Variants in CADPS observed in about 807,000 individuals in gnomAD.
The protein encoded by CADPS is calcium dependent secretion activator, also known as calcium-dependent secretion activator 1.
In CADPS, 57 loss-of-function variants were observed where a neutral mutation model predicts 167.3. That is an observed-to-expected ratio of 0.34 (90% CI 0.28 to 0.42). The LOEUF (loss-of-function observed/expected upper bound fraction) is 0.42. Among genes scored for constraint, CADPS ranks in the 20% least tolerant of loss-of-function variants. The pLI is 1.00. For missense variants in CADPS, 1,414 were observed against 1,738.1 expected (o/e 0.81, Z 3.32); for synonymous variants, 676 against 635.3 (o/e 1.06, Z -0.96).
chr3:62,583,896 G>A (rs1237118632), intron 8 of CADPS, among the ~76,000 whole-genome samples: 8 of 151,942 alleles, frequency 5.3e-5, no homozygotes, highest in Non-Finnish European at 8.8e-5. Flanking sequence ...TCCTGGTCAC[G>A]CCCTCCTGGA....
chr3:62,540,441 C>T (rs2075497407), intron 11 of CADPS, among the ~76,000 whole-genome samples: 1 of 152,088 alleles, frequency 6.6e-6, no homozygotes, highest in Non-Finnish European at 1.5e-5. Context: ...GGGTTATTAA[C>T]TGGCTTACTC....
At chr3:62,724,034 T>C (rs1200529371) in intron 3 of CADPS, among the ~76,000 whole-genome samples, 1 of 152,190 alleles carries the variant, frequency 6.6e-6, no homozygotes, top group Non-Finnish European at 1.5e-5. Context: ...GCTGGTGCAG[T>C]GAGATGGGCG....
chr3:62,760,319 G>A (rs549371185), intron 2 of CADPS, among the ~76,000 whole-genome samples: 11 of 152,254 alleles, frequency 7.2e-5, no homozygotes, highest in Non-Finnish European at 1.0e-4. Context: ...AAGCAACTAA[G>A]GCTCAGACAT....
At chr3:62,714,911 T>C (rs893568357) in intron 3 of CADPS, among the ~76,000 whole-genome samples, 5 of 152,084 alleles carry the variant, frequency 3.3e-5, no homozygotes, top group African/African-American at 1.2e-4. Context: ...AGAGAACAAT[T>C]TAAATTTAAA....
rs2049187418 is a variant in CADPS at position 62,412,649 on chromosome 3, G to GA, written c.3778-9465dup. On this transcript the variant is annotated intron_variant, in intron 28 of 29. Transcript: ENST00000383710. This position sits in a 1 kb window ranked among gnomAD's most constrained non-coding sequence, Gnocchi z 4.1. ...TTTAGCATCAAAATTTCTAACGAAT[G>GA]ATTAAAGGGATGAATCCACAAGTAG... Among the ~76,000 whole-genome samples, 1 of 152,072 alleles carries GA rather than the reference G, an allele frequency of 6.6e-6. No individual in the cohort carries two copies. Among genetic ancestry groups the GA allele is most frequent in the Admixed American group, 6.6e-5 (1 of 15,256 alleles).
At chr3:62,711,590 C>A (rs1268596040) in intron 3 of CADPS, among the ~76,000 whole-genome samples, 1 of 152,190 alleles carries the variant, frequency 6.6e-6, no homozygotes, top group Non-Finnish European at 1.5e-5. Flanking sequence ...ATTAGCTTGG[C>A]CAGCTTGGTG....
intron 3 of CADPS, among the ~76,000 whole-genome samples, chr3:62,712,140 T>C (rs2083516343): frequency 6.6e-6 from 1 of 152,258 alleles, no homozygotes; most frequent in Admixed American, 6.5e-5. Context: ...TAAATTTTTT[T>C]GCTATTAAAA....
chr3:62,682,487 G>A (rs1183695647), intron 3 of CADPS, among the ~76,000 whole-genome samples: 1 of 152,074 alleles, frequency 6.6e-6, no homozygotes, highest in Non-Finnish European at 1.5e-5. Context: ...GAAATCATCT[G>A]TGAAATCGCT....
intron 17 of CADPS, among the ~76,000 whole-genome samples, chr3:62,503,812 T>C (rs1343655541): frequency 1.3e-5 from 2 of 152,186 alleles, no homozygotes; most frequent in African/African-American, 4.8e-5. Context: ...CCTATAACAA[T>C]AGCCTCTCCT....
chr3:62,436,084 A>T (rs1040396689), intron 28 of CADPS, among the ~76,000 whole-genome samples: 1 of 152,098 alleles, frequency 6.6e-6, no homozygotes, highest in Non-Finnish European at 1.5e-5. Flanking sequence ...TCCTTTTTAA[A>T]TGAAGATTTG....
At chr3:62,723,568 A>G (rs2152018420) in intron 3 of CADPS, among the ~76,000 whole-genome samples, 2 of 152,318 alleles carry the variant, frequency 1.3e-5, no homozygotes, top group Non-Finnish European at 2.9e-5. Flanking sequence ...GATGTTTATC[A>G]GGCTAAATAG....
intron 28 of CADPS, among the ~76,000 whole-genome samples, chr3:62,431,931 A>G (rs1349585642): frequency 6.6e-6 from 1 of 151,874 alleles, no homozygotes; most frequent in Non-Finnish European, 1.5e-5. Flanking sequence ...GGGTGCTGGG[A>G]ACACAACATT....
At chr3:62,536,404 AT>A (rs897637601) in intron 12 of CADPS, 40 bp downstream of exon 12, 20 of 1,556,182 alleles carry the variant, frequency 1.3e-5, no homozygotes, top group African/African-American at 4.1e-5. Context: ...ATGAAAAAAA[AT>A]GTTATGTTTA....
At chr3:62,725,663 A>T (rs746016234) in intron 3 of CADPS, among the ~76,000 whole-genome samples, 1 of 150,352 alleles carries the variant, frequency 6.7e-6, no homozygotes, top group East Asian at 1.9e-4. Flanking sequence ...ACACCGGTAC[A>T]TTTGCTATTA....
chr3:62,537,052 T>C (rs1470841306), intron 11 of CADPS, among the ~76,000 whole-genome samples: 1 of 152,188 alleles, frequency 6.6e-6, no homozygotes, highest in African/African-American at 2.4e-5. Context: ...AAAGTGACAA[T>C]ATTTATATCG....
At chr3:62,723,801 C>T (rs1241005433) in intron 3 of CADPS, among the ~76,000 whole-genome samples, 1 of 152,230 alleles carries the variant, frequency 6.6e-6, no homozygotes, top group African/African-American at 2.4e-5. Flanking sequence ...CACGCTGACA[C>T]TTTGCTGGCT....
chr3:62,455,917 GA>G lies in CADPS; in HGVS notation c.3636+9449del, dbSNP rs2150171418. Among the ~76,000 whole-genome samples the G allele has an allele frequency of 6.6e-6, 1 of 152,290 alleles. No homozygotes were observed. The highest frequency in any genetic ancestry group is 1.9e-4 in the East Asian group (1 of 5,178). On this transcript the variant is annotated intron_variant, in intron 26 of 29. Coordinates refer to ENST00000383710, the MANE Select transcript of CADPS (RefSeq NM_003716.4). This position sits in a 1 kb window ranked among gnomAD's most constrained non-coding sequence, Gnocchi z 4.4. ...CTGCAGGCTGCTTTAGCCTGAATTT[GA>G]AGGTATAATTTATGTCACTGCTGCC...
intron 1 of CADPS, among the ~76,000 whole-genome samples, chr3:62,790,456 C>T (rs915868129): frequency 1.3e-5 from 2 of 152,072 alleles, no homozygotes; most frequent in Non-Finnish European, 2.9e-5. Context: ...TCTAATGTCT[C>T]CATATATATT....
intron 17 of CADPS, among the ~76,000 whole-genome samples, chr3:62,510,417 G>A (rs534491394): frequency 6.6e-6 from 1 of 152,304 alleles, no homozygotes; most frequent in Admixed American, 6.5e-5. Flanking sequence ...AACAGCAATA[G>A]TAGTGTAGAC....
Sources: allele counts gnomAD v4.1 joint callset (sites outside exome capture counted in the v4.1 genomes callset), GRCh38; gene constraint gnomAD v4.1.1; non-coding constraint Gnocchi (gnomAD v3.1); transcripts MANE v1.5; gene names NCBI Gene and HGNC (gene_info 2026-07-23, HGNC 2026-07-21).